The following ABLIM1 variants were observed in gnomAD, a reference collection of about 807,000 sequenced individuals.
The protein encoded by ABLIM1 is actin binding LIM protein 1.
Under a neutral mutation model 107.0 loss-of-function variants are expected in ABLIM1, and 40 were observed. The ratio of observed to expected loss-of-function variants is 0.37; its 90% CI spans 0.29 to 0.49. The LOEUF (loss-of-function observed/expected upper bound fraction) is 0.49. Ranked by LOEUF, ABLIM1 falls within the 20% of genes least tolerant of loss-of-function variation. The probability of loss-of-function intolerance (pLI) is 0.97; values close to 1 mark genes in which losing one functional copy is unlikely to be tolerated. For missense variants in ABLIM1, 857 were observed against 1,008.5 expected, an observed-to-expected ratio of 0.85 and a Z score of 2.04; for synonymous variants, 357 against 357.3, an observed-to-expected ratio of 1.00 and a Z score of 0.01.
At chr10:114,445,512 C>CT in intron 15 of ABLIM1, 109 bp from the exon 16 acceptor site, 2 of 859,048 alleles carry the variant, frequency 2.3e-6, no homozygotes, top group Non-Finnish European at 3.9e-6. Flanking sequence ...CAGCAACGGT[C>CT]TTTAACACTT....
intron 2 of ABLIM1, among the ~76,000 whole-genome samples, chr10:114,593,512 T>C (rs2075121244): frequency 6.6e-6 from 1 of 152,134 alleles, no homozygotes; most frequent in African/African-American, 2.4e-5. Context: ...AGTGGGTTTG[T>C]ATAAGAGCTG....
At chr10:114,621,196 ACCAT>A (rs2077444140) in intron 1 of ABLIM1, among the ~76,000 whole-genome samples, 2 of 152,282 alleles carry the variant, frequency 1.3e-5, no homozygotes, top group South Asian at 4.1e-4. Context: ...ATCTTCCATG[ACCAT>A]CCAATAGCAT....
At chr10:114,772,538 T>C (rs1353349106), upstream of ABLIM1, among the ~76,000 whole-genome samples, 1 of 152,044 alleles carries the variant, frequency 6.6e-6, no homozygotes, top group Non-Finnish European at 1.5e-5. Flanking sequence ...GCCCAGGAGA[T>C]TGAGGCTGCG....
intron 19 of ABLIM1, among the ~76,000 whole-genome samples, chr10:114,440,539 G>A (rs2060039774): frequency 1.3e-5 from 2 of 151,996 alleles, no homozygotes; most frequent in African/African-American, 4.8e-5. Flanking sequence ...TTGAACTCCT[G>A]GGCTTAAGCA....
At chr10:114,771,488 T>A (rs139194074), upstream of ABLIM1, among the ~76,000 whole-genome samples, 11 of 152,330 alleles carry the variant, frequency 7.2e-5, no homozygotes, top group East Asian at 1.7e-3. Flanking sequence ...TATTTTAAAA[T>A]ATATGTGATT....
At chr10:114,628,166 G>A (rs1473409696) in intron 1 of ABLIM1, among the ~76,000 whole-genome samples, 1 of 151,830 alleles carries the variant, frequency 6.6e-6, no homozygotes, top group African/African-American at 2.4e-5. Context: ...CACCCTCTGT[G>A]CTCAAGGGAA....
At position 114,716,330 on chromosome 10, in the gene ABLIM1, A is replaced by T. The variant is rs186344271; in HGVS notation, c.-213+51731T>A. ...CAGCTCTGGTTGCCACTCTTCTGCTATATTAGCTAAGTAAGGTAGGTAGAT... is the reference window on the plus strand; with the variant it reads ...CAGCTCTGGTTGCCACTCTTCTGCTTTATTAGCTAAGTAAGGTAGGTAGAT... On this transcript the variant is annotated intron_variant, in intron 1 of 15. Coordinates refer to the ABLIM1 transcript ENST00000651092. Among the ~76,000 whole-genome samples, 43 of 152,162 alleles carry T rather than the reference A, an allele frequency of 2.8e-4. No homozygotes were observed. The East Asian group carries it at 8.1e-3, about 29-fold the overall frequency.
chr10:114,501,543 G>A (rs931232533), intron 6 of ABLIM1, among the ~76,000 whole-genome samples: 4 of 152,248 alleles, frequency 2.6e-5, no homozygotes, highest in East Asian at 1.9e-4. Flanking sequence ...AGTCCTTAAC[G>A]AAAATTTTAC....
At chr10:114,451,486 G>A in intron 14 of ABLIM1, 138 bp downstream of exon 14, 1 of 812,158 alleles carries the variant, frequency 1.2e-6, no homozygotes, top group Non-Finnish European at 2.2e-6. Flanking sequence ...CATCTTAGTA[G>A]ACCAGAAAGG....
chr10:114,544,989 C>T lies in ABLIM1; in HGVS notation c.894+16G>A. 1 of 1,612,636 alleles carries T rather than the reference C, an allele frequency of 6.2e-7. No homozygotes were observed. Among genetic ancestry groups the T allele is most frequent in the Non-Finnish European group, 8.5e-7 (1 of 1,178,698 alleles). Reference sequence around the variant, plus strand: ...AAAGATGGCGGTAGCTATGAGGGAGCCGGTCTGCCACTTACCTCCAGGACT... The same window carrying T: ...AAAGATGGCGGTAGCTATGAGGGAGTCGGTCTGCCACTTACCTCCAGGACT... On this transcript the variant is annotated intron_variant, in intron 6 of 22. Transcript: ENST00000533213.
the ABLIM1 span, among the ~76,000 whole-genome samples, chr10:114,796,842 G>GTT: frequency 6.6e-6 from 1 of 152,116 alleles, no homozygotes; most frequent in Non-Finnish European, 1.5e-5. Context: ...GTTACTTGTA[G>GTT]ACTTCTGGGC....
intron 6 of ABLIM1, among the ~76,000 whole-genome samples, chr10:114,512,127 C>A (rs1032949363): frequency 6.6e-6 from 1 of 152,176 alleles, no homozygotes; most frequent in Non-Finnish European, 1.5e-5. Flanking sequence ...GGTGAACTTT[C>A]CTGGGGGGAA....
chr10:114,511,781 C>T (rs1231345413), intron 6 of ABLIM1, among the ~76,000 whole-genome samples: 2 of 150,576 alleles, frequency 1.3e-5, no homozygotes, highest in Non-Finnish European at 2.9e-5. Context: ...TCTGTAGAGA[C>T]TAGTCTCAAC....
intron 1 of ABLIM1, among the ~76,000 whole-genome samples, chr10:114,669,005 T>C (rs1056788218): frequency 2.6e-4 from 40 of 152,246 alleles, no homozygotes; most frequent in African/African-American, 9.6e-4. Context: ...CTCATTTCTA[T>C]GTCTGTTTCA....
chr10:114,764,649 T>G (rs1271397949), intron 1 of ABLIM1: 8 of 152,186 alleles, frequency 5.3e-5, no homozygotes, highest in Admixed American at 5.2e-4. Context: ...GCCAATTGAT[T>G]TCATTGTTTT....
Position 114,541,907 on chromosome 10 carries a change from CA to C in ABLIM1, c.894+3097del, listed in dbSNP as rs1430055858. 7.9e-5 allele frequency among the ~76,000 whole-genome samples: 12 copies of C among 151,758 alleles called. No homozygotes were observed. In the East Asian group the frequency reaches 2.3e-3, roughly 29 times the overall value. Reference sequence around the variant, plus strand: ...TAAATCTGAAGGGAATCAACACACACACACACACACACACACTCACACACTC... The same window carrying C: ...TAAATCTGAAGGGAATCAACACACACCACACACACACACACTCACACACTC... On this transcript the variant is annotated intron_variant, in intron 6 of 22. Transcript: ENST00000533213.
At chr10:114,566,421 A>G (rs764267896) in intron 4 of ABLIM1, among the ~76,000 whole-genome samples, 1 of 152,128 alleles carries the variant, frequency 6.6e-6, no homozygotes, top group Non-Finnish European at 1.5e-5. Flanking sequence ...TTTCTCTCAC[A>G]TCCCTCCTTA....
At chr10:114,450,687 C>T (rs1163072207) in intron 14 of ABLIM1, among the ~76,000 whole-genome samples, 1 of 152,046 alleles carries the variant, frequency 6.6e-6, no homozygotes, top group Non-Finnish European at 1.5e-5. Flanking sequence ...AATGATCCAC[C>T]TGCCTCGGCC....
At chr10:114,492,612 A>C (rs2059152425) in intron 6 of ABLIM1, among the ~76,000 whole-genome samples, 2 of 152,238 alleles carry the variant, frequency 1.3e-5, no homozygotes, top group Admixed American at 1.3e-4. Context: ...CATTAGAGTC[A>C]TGCTCCACAT....
Sources: allele counts gnomAD v4.1 joint callset (sites outside exome capture counted in the v4.1 genomes callset), GRCh38; gene constraint gnomAD v4.1.1; transcripts MANE v1.5; gene names NCBI Gene and HGNC (gene_info 2026-07-23, HGNC 2026-07-21).